IQGAP2: variants seen among roughly 807,000 people sequenced by gnomAD.
IQGAP2 encodes ras GTPase-activating-like protein IQGAP2.
In IQGAP2, 173 loss-of-function variants were observed where a neutral mutation model predicts 201.3. The ratio of observed to expected loss-of-function variants is 0.86; its 90% CI spans 0.76 to 0.98. The LOEUF (loss-of-function observed/expected upper bound fraction) is 0.98, where lower values mean the gene tolerates loss of function less well. Among genes scored for constraint, IQGAP2 ranks in the 50% least tolerant of loss-of-function variants. The pLI, the probability that IQGAP2 is intolerant of heterozygous loss-of-function variation, is 0.00. For missense variants in IQGAP2, 1,687 were observed against 1,864.8 expected, an observed-to-expected ratio of 0.90 and a Z score of 1.76; for synonymous variants, 675 against 673.9, an observed-to-expected ratio of 1.00 and a Z score of -0.03.
At chr5:76,567,279 A>G (rs1744815703) in intron 3 of IQGAP2, among the ~76,000 whole-genome samples, 2 of 152,226 alleles carry the variant, frequency 1.3e-5, no homozygotes, top group African/African-American at 2.4e-5. Flanking sequence ...CTTTTTGAAG[A>G]CCGACATGAC....
At position 76,632,037 on chromosome 5, in the gene IQGAP2, T is replaced by A. The variant is rs1580673043; in HGVS notation, c.1780+11T>A. 6.3e-7 allele frequency: 1 copy of A among 1,591,532 alleles called. No homozygotes were observed. Among genetic ancestry groups the A allele is most frequent in the Non-Finnish European group, 8.5e-7 (1 of 1,170,198 alleles). On this transcript the variant is annotated intron_variant, in intron 15 of 35. Coordinates refer to ENST00000274364, the MANE Select transcript of IQGAP2 (RefSeq NM_006633.5). ...TCAAATCTGAAAGAGGTAAGTTGGT[T>A]TGTTACTTTAGCACAAACTAAGTAT...
intron 1 of IQGAP2, among the ~76,000 whole-genome samples, chr5:76,457,626 A>C (rs1420394244): frequency 6.6e-6 from 1 of 152,186 alleles, no homozygotes; most frequent in Non-Finnish European, 1.5e-5. Context: ...GGTAGAGAAT[A>C]GGGGAAATTA....
At chr5:76,654,884 T>C (rs1172615599) in intron 19 of IQGAP2, 50 bp from the exon 20 acceptor site, 1 of 1,175,192 alleles carries the variant, frequency 8.5e-7, no homozygotes, top group Admixed American at 1.8e-5. Flanking sequence ...TCAAAAATGA[T>C]GGAGTAGGTG....
intron 10 of IQGAP2, among the ~76,000 whole-genome samples, chr5:76,599,112 T>C (rs952878927): frequency 2.6e-5 from 4 of 152,258 alleles, no homozygotes; most frequent in African/African-American, 9.6e-5. Context: ...CTGAGTGTGG[T>C]AGTTCCTGTC....
In IQGAP2 at chr5:76,680,977, A is replaced by G. The variant is rs1745231501; in HGVS notation, c.3661-2138A>G. Among the ~76,000 whole-genome samples the G allele has an allele frequency of 2.0e-5, 3 of 150,620 alleles. No homozygotes were observed. The South Asian group carries it at 6.3e-4, about 32-fold the overall frequency. On this transcript the variant is annotated intron_variant, in intron 28 of 35. Transcript: ENST00000274364. Reference sequence around the variant, plus strand: ...AAAAATTAACCAGGTGCGGTGACACATGCCTGTAATCCCAGCTACTCGGAA... The same window carrying G: ...AAAAATTAACCAGGTGCGGTGACACGTGCCTGTAATCCCAGCTACTCGGAA...
intron 5 of IQGAP2, among the ~76,000 whole-genome samples, chr5:76,578,346 C>G (rs1350072109): frequency 6.6e-6 from 1 of 151,688 alleles, no homozygotes; most frequent in Non-Finnish European, 1.5e-5. Flanking sequence ...TGGAGTCTCA[C>G]TCTGTCACCA....
At chr5:76,445,925 G>A (rs1753365584) in intron 1 of IQGAP2, among the ~76,000 whole-genome samples, 1 of 152,146 alleles carries the variant, frequency 6.6e-6, no homozygotes, top group Non-Finnish European at 1.5e-5. Flanking sequence ...ACCTCATATA[G>A]GTGGACTCAT....
At chr5:76,668,083 A>G (rs1214309470) in intron 22 of IQGAP2, among the ~76,000 whole-genome samples, 1 of 151,830 alleles carries the variant, frequency 6.6e-6, no homozygotes, top group Non-Finnish European at 1.5e-5. Context: ...GGGTCTGTCC[A>G]TGTTGCCCAG....
At chr5:76,640,837 C>A in intron 16 of IQGAP2, 96 bp from the exon 17 acceptor site, 1 of 898,364 alleles carries the variant, frequency 1.1e-6, no homozygotes, top group Non-Finnish European at 1.6e-6. Context: ...AGGAGACATC[C>A]ATATTATTTT....
At chr5:76,621,713 G>A (rs867153730) in intron 13 of IQGAP2, among the ~76,000 whole-genome samples, 12 of 152,260 alleles carry the variant, frequency 7.9e-5, no homozygotes, top group Middle Eastern at 6.8e-3. Flanking sequence ...GCCAGATCTG[G>A]GTCCACTTAA....
intron 12 of IQGAP2, chr5:76,606,790 C>G (rs1473993852): frequency 1.3e-5 from 2 of 152,182 alleles, no homozygotes; most frequent in Admixed American, 6.5e-5. Context: ...TGAAAGCATA[C>G]CAACCTCAGG....
intron 5 of IQGAP2, among the ~76,000 whole-genome samples, chr5:76,580,826 T>A (rs1745798186): frequency 6.6e-6 from 1 of 152,236 alleles, no homozygotes; most frequent in African/African-American, 2.4e-5. Context: ...CTTTGAGATG[T>A]GGAACCACCA....
chr5:76,436,475 T>TTATATA (rs1561369887), intron 1 of IQGAP2, among the ~76,000 whole-genome samples: 1 of 70,104 alleles, frequency 1.4e-5, no homozygotes, highest in Non-Finnish European at 2.7e-5. Context: ...ATTGAGATGA[T>TTATATA]CATATATATA....
rs2910819 is a variant in IQGAP2 at position 76,637,044 on chromosome 5, C to T, written c.1791C>T (p.Asp597=). 938,534 of 1,597,968 alleles carry T rather than the reference C, an allele frequency of 0.59. 278,006 individuals are homozygous for T. The highest frequency in any genetic ancestry group is 0.6 in the Middle Eastern group (3,626 of 5,996). Residue 597 remains aspartate, a synonymous_variant, in exon 16 of 36, where the codon GAC becomes GAT. Transcript: ENST00000274364. ...AACTTTTTTCTTTAGTGTCTAGTGA[C>T]GGTTCATGGCTCAAACTCAACCTGC... ...KELKSERVSS[D]GSWLKLNLHK...
chr5:76,654,289 G>A lies in IQGAP2; in HGVS notation c.2250+18G>A. ...GAGATCATGTAAGAAAAATGCCTGT[G>A]GGATTTTATCCAGGTTGATAATGAC... On this transcript the variant is annotated intron_variant, in intron 19 of 35. Coordinates refer to ENST00000274364, the MANE Select transcript of IQGAP2 (RefSeq NM_006633.5). The A allele has an allele frequency of 6.5e-7, 1 of 1,541,490 alleles. No homozygotes were observed. Among genetic ancestry groups the A allele is most frequent in the Non-Finnish European group, 8.9e-7 (1 of 1,122,990 alleles).
At chr5:76,673,678 G>C in intron 25 of IQGAP2, 89 bp downstream of exon 25, 1 of 1,313,694 alleles carries the variant, frequency 7.6e-7, no homozygotes. Flanking sequence ...GAAGACAGCA[G>C]TTTTCCCTTA....
chr5:76,700,243 CCAGTTCAGTGAACTTTGAGCCT>C (rs1747246429), intron 33 of IQGAP2, among the ~76,000 whole-genome samples: 1 of 152,106 alleles, frequency 6.6e-6, no homozygotes, highest in African/African-American at 2.4e-5. Context: ...GATCTTGAGC[CCAGTTCAGTGAACTTTGAGCCT>C]CAGTTTTCTC....
chr5:76,628,568 A>C, intron 14 of IQGAP2: 2 of 325,620 alleles, frequency 6.1e-6, no homozygotes, highest in South Asian at 5.0e-5. Flanking sequence ...CTCCATATAT[A>C]AATTAAGATT....
intron 2 of IQGAP2, among the ~76,000 whole-genome samples, chr5:76,496,766 TTTCTTTC>T: frequency 2.3e-5 from 2 of 86,036 alleles, no homozygotes; most frequent in Admixed American, 2.5e-4. Flanking sequence ...TCTTTCTTTC[TTTCTTTC>T]TTTCTTTCTT....
Sources: gnomAD v4.1 joint callset for allele counts (sites outside exome capture counted in the v4.1 genomes callset) on GRCh38, gnomAD v4.1.1 for gene constraint, MANE v1.5 for transcripts, NCBI Gene and HGNC (gene_info 2026-07-23, HGNC 2026-07-21) for gene names.